Variants in ERBB4 observed in about 807,000 individuals in gnomAD.
ERBB4 encodes the protein receptor tyrosine-protein kinase erbB-4.
In ERBB4, 42 loss-of-function variants were observed where a neutral mutation model predicts 158.0. The observed-to-expected ratio is 0.27, with a 90% CI of 0.21 to 0.34. The LOEUF (loss-of-function observed/expected upper bound fraction) is 0.34. Among genes scored for constraint, ERBB4 ranks in the 10% least tolerant of loss-of-function variants. The pLI is 1.00. For missense variants in ERBB4, 1,333 were observed against 1,624.1 expected (o/e 0.82, Z 3.08); for synonymous variants, 583 against 558.7 (o/e 1.04, Z -0.61).
At chr2:211,974,100 G>A (rs1367863179) in intron 2 of ERBB4, among the ~76,000 whole-genome samples, 1 of 152,086 alleles carries the variant, frequency 6.6e-6, no homozygotes, top group African/African-American at 2.4e-5. Flanking sequence ...GGTGGGAGGA[G>A]GGAGAGAATC....
At chr2:211,535,114 A>C (rs73073174) in intron 20 of ERBB4, among the ~76,000 whole-genome samples, 4,155 of 152,130 alleles carry the variant, frequency 0.027, 199 homozygotes, top group African/African-American at 0.096. Context: ...AACGGGGAAA[A>C]TTTGATGTAT....
chr2:211,613,310 C>T (rs151199922), intron 19 of ERBB4, among the ~76,000 whole-genome samples: 1 of 151,832 alleles, frequency 6.6e-6, no homozygotes. Flanking sequence ...TCTAAGCGGG[C>T]TGCAGAGAGA....
At chr2:212,362,402 C>T (rs1171183295) in intron 1 of ERBB4, among the ~76,000 whole-genome samples, 1 of 151,286 alleles carries the variant, frequency 6.6e-6, no homozygotes, top group Non-Finnish European at 1.5e-5. Flanking sequence ...TATACTCACA[C>T]ATTATATTTT....
intron 1 of ERBB4, among the ~76,000 whole-genome samples, chr2:212,377,571 T>TA (rs60674228): frequency 0.025 from 3,748 of 151,928 alleles, 147 homozygotes; most frequent in African/African-American, 0.085. Context: ...GCAAGGATGA[T>TA]AAAAAATGGT....
Position 212,488,774 on chromosome 2 carries a change from G to A in ERBB4, c.82+49675C>T, listed in dbSNP as rs376728453. Among the ~76,000 whole-genome samples, 9 of 151,526 alleles carry A rather than the reference G, an allele frequency of 5.9e-5. No homozygotes were observed. In the South Asian group the frequency reaches 6.3e-4, roughly 11 times the overall value. On this transcript the variant is annotated intron_variant, in intron 1 of 27. Transcript: ENST00000342788. ...ATTGTTACAATGGTCACTGGACACCGATGACCTCATGAACAGCTGTTCACT... is the reference window on the plus strand; with the variant it reads ...ATTGTTACAATGGTCACTGGACACCAATGACCTCATGAACAGCTGTTCACT...
chr2:211,875,983 C>G (rs79153236), intron 3 of ERBB4, among the ~76,000 whole-genome samples: 1 of 152,032 alleles, frequency 6.6e-6, no homozygotes, highest in African/African-American at 2.4e-5. Context: ...ATGATGTTCA[C>G]AGGATAATGA....
At chr2:212,055,607 G>A (rs1302683216) in intron 2 of ERBB4, among the ~76,000 whole-genome samples, 2 of 152,200 alleles carry the variant, frequency 1.3e-5, no homozygotes, top group Non-Finnish European at 2.9e-5. Flanking sequence ...AGGCAGCAAC[G>A]TTTGCTGTTC....
chr2:211,422,208 A>T, intron 23 of ERBB4, 104 bp from the exon 24 acceptor site: 2 of 760,402 alleles, frequency 2.6e-6, no homozygotes, highest in East Asian at 2.8e-5. Context: ...ATGTTGTTTT[A>T]ATCGTAATGA....
intron 20 of ERBB4, among the ~76,000 whole-genome samples, chr2:211,539,972 G>T (rs1455695432): frequency 6.6e-6 from 1 of 151,632 alleles, no homozygotes; most frequent in African/African-American, 2.4e-5. Context: ...TTTATCATTT[G>T]TCCTTCATTT....
At chr2:211,492,398 T>C (rs1390906523) in intron 20 of ERBB4, among the ~76,000 whole-genome samples, 1 of 152,158 alleles carries the variant, frequency 6.6e-6, no homozygotes, top group African/African-American at 2.4e-5. Context: ...ATTTTCCTTA[T>C]CTGTAAGATT....
intron 20 of ERBB4, among the ~76,000 whole-genome samples, chr2:211,469,365 C>T (rs879502292): frequency 6.6e-6 from 1 of 152,138 alleles, no homozygotes; most frequent in Non-Finnish European, 1.5e-5. Flanking sequence ...GTAAATAAGA[C>T]ACACTTTCCA....
At chr2:212,035,626 T>C (rs1185889382) in intron 2 of ERBB4, among the ~76,000 whole-genome samples, 1 of 152,222 alleles carries the variant, frequency 6.6e-6, no homozygotes, top group African/African-American at 2.4e-5. Context: ...TGTCTTCTAT[T>C]AGACCATAAA....
chr2:212,074,465 G>T (rs1355922124), intron 2 of ERBB4, among the ~76,000 whole-genome samples: 1 of 151,876 alleles, frequency 6.6e-6, no homozygotes, highest in Non-Finnish European at 1.5e-5. Context: ...GTATTTAATA[G>T]AAGATCATAA....
chr2:212,194,778 C>CA (rs921803665), intron 1 of ERBB4, among the ~76,000 whole-genome samples: 17 of 151,938 alleles, frequency 1.1e-4, no homozygotes, highest in African/African-American at 3.9e-4. Context: ...ATTTCTTATG[C>CA]AAAATGTAAA....
chr2:211,911,338 A>ATCAC (rs1265064014), intron 3 of ERBB4, among the ~76,000 whole-genome samples: 1 of 152,060 alleles, frequency 6.6e-6, no homozygotes, highest in African/African-American at 2.4e-5. Flanking sequence ...TTGATCATAG[A>ATCAC]TCACTGCATC....
chr2:212,307,505 G>T (rs1326310134), intron 1 of ERBB4, among the ~76,000 whole-genome samples: 1 of 150,578 alleles, frequency 6.6e-6, no homozygotes, highest in Non-Finnish European at 1.5e-5. Flanking sequence ...CCTTTTTTAT[G>T]TCCACCAAGA....
At chr2:212,286,606 T>TTGTTTTG (rs1215902216) in intron 1 of ERBB4, among the ~76,000 whole-genome samples, 45 of 128,190 alleles carry the variant, frequency 3.5e-4, no homozygotes, top group East Asian at 4.7e-4. Flanking sequence ...TTTTTTTTTT[T>TTGTTTTG]TTTTTTTTTT....
At chr2:211,784,450 GATA>G (rs1320686876) in intron 4 of ERBB4, among the ~76,000 whole-genome samples, 5 of 152,148 alleles carry the variant, frequency 3.3e-5, no homozygotes, top group Admixed American at 1.3e-4. Context: ...TTTCAAGCTG[GATA>G]ATATTTCATC....
At chr2:211,756,423 T>A (rs1488665108) in intron 4 of ERBB4, among the ~76,000 whole-genome samples, 1 of 152,164 alleles carries the variant, frequency 6.6e-6, no homozygotes, top group African/African-American at 2.4e-5. Context: ...TTAGGGTTTT[T>A]TGAGCATAGT....
Sources: allele counts gnomAD v4.1 joint callset (sites outside exome capture counted in the v4.1 genomes callset), GRCh38; gene constraint gnomAD v4.1.1; transcripts MANE v1.5; gene names NCBI Gene and HGNC (gene_info 2026-07-23, HGNC 2026-07-21).